Variants in KCNN2 observed in about 807,000 individuals in gnomAD.
KCNN2 encodes the protein small conductance calcium-activated potassium channel protein 2.
KCNN2 carries 24 observed loss-of-function variants against 55.5 expected under a neutral mutation model. The observed-to-expected ratio is 0.43, with a 90% CI of 0.31 to 0.61. The LOEUF (loss-of-function observed/expected upper bound fraction) is 0.61. KCNN2 is among the 20% of genes least tolerant of loss of function. KCNN2 has a pLI of 0.08. For synonymous variants in KCNN2, 431 were observed against 336.1 expected (o/e 1.28, Z -3.09); for missense variants, 754 against 853.6 (o/e 0.88, Z 1.45).
intron 3 of KCNN2, among the ~76,000 whole-genome samples, chr5:114,420,018 A>G (rs1049217284): frequency 6.6e-6 from 1 of 152,258 alleles, no homozygotes; most frequent in Non-Finnish European, 1.5e-5. Flanking sequence ...TACCTTCTCC[A>G]TTCATCTACA....
At chr5:114,104,835 G>C (rs185511469) in intron 1 of KCNN2, among the ~76,000 whole-genome samples, 1 of 151,932 alleles carries the variant, frequency 6.6e-6, no homozygotes, top group Non-Finnish European at 1.5e-5. Flanking sequence ...GAGGGGAAGA[G>C]AGATGGAGGA....
chr5:114,211,200 C>T (rs937012275), intron 1 of KCNN2, among the ~76,000 whole-genome samples: 3 of 152,010 alleles, frequency 2.0e-5, no homozygotes, highest in African/African-American at 7.2e-5. Flanking sequence ...TCCAGCAATC[C>T]CGTTACTGAG....
intron 2 of KCNN2, among the ~76,000 whole-genome samples, chr5:114,336,533 A>G (rs1054584807): frequency 2.0e-5 from 3 of 152,192 alleles, no homozygotes; most frequent in African/African-American, 7.2e-5. Flanking sequence ...TGGACGAGAC[A>G]CTATACCAAC....
chr5:114,232,954 T>C (rs1191755227), intron 2 of KCNN2, among the ~76,000 whole-genome samples: 1 of 57,730 alleles, frequency 1.7e-5, no homozygotes, highest in African/African-American at 5.3e-5. Context: ...GGAGTCTCGC[T>C]CTGTCGCCCA....
At chr5:114,256,984 T>C (rs1754995030) in intron 2 of KCNN2, among the ~76,000 whole-genome samples, 1 of 152,196 alleles carries the variant, frequency 6.6e-6, no homozygotes, top group South Asian at 2.1e-4. Context: ...TCTAGGACTT[T>C]AATAGTTTTA....
chr5:114,412,933 A>C (rs1352346638), intron 3 of KCNN2, among the ~76,000 whole-genome samples: 1 of 152,244 alleles, frequency 6.6e-6, no homozygotes, highest in South Asian at 2.1e-4. Flanking sequence ...GCTGTTGCCA[A>C]GTAAACTCTA....
intron 1 of KCNN2, among the ~76,000 whole-genome samples, chr5:114,204,362 T>A (rs1753728920): frequency 6.6e-6 from 1 of 152,222 alleles, no homozygotes; most frequent in South Asian, 2.1e-4. Flanking sequence ...CTGAAGAGAA[T>A]GTTTAACAAC....
At chr5:114,282,525 A>G (rs1307961940) in intron 2 of KCNN2, among the ~76,000 whole-genome samples, 3 of 152,126 alleles carry the variant, frequency 2.0e-5, no homozygotes, top group Admixed American at 6.6e-5. Flanking sequence ...TTTTACTTAT[A>G]TATTTTTATG....
intron 2 of KCNN2, among the ~76,000 whole-genome samples, chr5:114,365,420 ATATAACT>A: frequency 6.6e-6 from 1 of 152,360 alleles, no homozygotes; most frequent in East Asian, 1.9e-4. Context: ...TGATACTAAA[ATATAACT>A]TAAACATTAG....
chr5:114,427,883 A>T (rs1266542339), intron 3 of KCNN2, among the ~76,000 whole-genome samples: 1 of 152,196 alleles, frequency 6.6e-6, no homozygotes, highest in African/African-American at 2.4e-5. Context: ...TTATACATAA[A>T]TTGGTACTAT....
chr5:114,432,006 A>G lies in KCNN2; in HGVS notation c.1637+27150A>G, dbSNP rs551648478. Reference sequence around the variant, plus strand: ...ATCTTTCAGGGCCCAGAATATGTCTATTTTAGTGAATATGTGTGCTTAAGA... The same window carrying G: ...ATCTTTCAGGGCCCAGAATATGTCTGTTTTAGTGAATATGTGTGCTTAAGA... On this transcript the variant is annotated intron_variant, in intron 3 of 7. Coordinates refer to ENST00000673685, the MANE Select transcript of KCNN2 (RefSeq NM_021614.4). Among the ~76,000 whole-genome samples, 81 of 152,276 alleles carry G rather than the reference A, an allele frequency of 5.3e-4. 1 individual carries two copies. Among genetic ancestry groups the G allele is most frequent in the Non-Finnish European group, 1.0e-3 (70 of 68,008 alleles).
At chr5:114,458,074 G>A (rs952251589) in intron 3 of KCNN2, among the ~76,000 whole-genome samples, 3 of 151,898 alleles carry the variant, frequency 2.0e-5, no homozygotes, top group Admixed American at 2.0e-4. Flanking sequence ...CTTTGTTCTT[G>A]TTGGTTTACA....
chr5:114,102,402 T>G (rs560101127), intron 1 of KCNN2, among the ~76,000 whole-genome samples: 1 of 152,242 alleles, frequency 6.6e-6, no homozygotes, highest in East Asian at 1.9e-4. Context: ...TTCACTCTAA[T>G]GATAGTTTCT....
chr5:114,076,870 T>G (rs917263611), intron 1 of KCNN2, among the ~76,000 whole-genome samples: 3 of 152,030 alleles, frequency 2.0e-5, no homozygotes, highest in Non-Finnish European at 4.4e-5. Flanking sequence ...ATTTTTTGTA[T>G]TTTTAGTAGA....
intron 2 of KCNN2, among the ~76,000 whole-genome samples, chr5:114,319,091 C>A (rs1405143261): frequency 7.2e-5 from 11 of 152,118 alleles, no homozygotes; most frequent in African/African-American, 2.4e-4. Flanking sequence ...CAGGAATATA[C>A]TCATTCCCAC....
chr5:114,278,402 T>G (rs1222639946), intron 2 of KCNN2, among the ~76,000 whole-genome samples: 1 of 152,208 alleles, frequency 6.6e-6, no homozygotes, highest in Non-Finnish European at 1.5e-5. Context: ...CAGGGACATT[T>G]AAGTCTGGAG....
chr5:114,153,401 C>T (rs13158223), intron 1 of KCNN2, among the ~76,000 whole-genome samples: 64,318 of 152,020 alleles, frequency 0.42, 14,736 homozygotes, highest in Middle Eastern at 0.55. Flanking sequence ...GGACCCCTGT[C>T]AAGAACTGTG....
At chr5:114,203,431 T>G (rs1047908898) in intron 1 of KCNN2, among the ~76,000 whole-genome samples, 1 of 152,192 alleles carries the variant, frequency 6.6e-6, no homozygotes, top group Non-Finnish European at 1.5e-5. Context: ...TTTTTAGATT[T>G]ACTTAGGGAA....
At chr5:114,084,167 A>T (rs1750962859) in intron 1 of KCNN2, among the ~76,000 whole-genome samples, 1 of 152,076 alleles carries the variant, frequency 6.6e-6, no homozygotes, top group African/African-American at 2.4e-5. Context: ...GTTCAGACAT[A>T]TGCTTTCAAG....
Sources: allele counts gnomAD v4.1 joint callset (sites outside exome capture counted in the v4.1 genomes callset), GRCh38; gene constraint gnomAD v4.1.1; transcripts MANE v1.5; gene names NCBI Gene and HGNC (gene_info 2026-07-23, HGNC 2026-07-21).